MUC20: variants seen among roughly 807,000 people sequenced by gnomAD.
MUC20 encodes mucin 20, cell surface associated.
Under a neutral mutation model 23.8 loss-of-function variants are expected in MUC20, and 14 were observed. The observed-to-expected ratio is 0.59, with a 90% CI of 0.39 to 0.92. The LOEUF is 0.92. Ranked by LOEUF, MUC20 falls within the 40% of genes least tolerant of loss-of-function variation. The pLI, the probability that MUC20 is intolerant of heterozygous loss-of-function variation, is 0.00. For missense variants in MUC20, 375 were observed against 668.8 expected (o/e 0.56, Z 4.85); for synonymous variants, 166 against 279.3 (o/e 0.59, Z 4.04).
At chr3:195,731,954 G>A (rs1033065486) in intron 3 of MUC20, among the ~76,000 whole-genome samples, 14 of 150,890 alleles carry the variant, frequency 9.3e-5, no homozygotes, top group Non-Finnish European at 1.8e-4. Context: ...GTGAATCCTT[G>A]TGGGAGAGGG....
chr3:195,732,580 G>A (rs1444151517), intron 3 of MUC20, among the ~76,000 whole-genome samples: 2 of 152,068 alleles, frequency 1.3e-5, no homozygotes, highest in Non-Finnish European at 2.9e-5. Flanking sequence ...GGCTGGTCTC[G>A]AACTCCTGAC....
chr3:195,732,814 CA>C (rs1364392730), intron 3 of MUC20, among the ~76,000 whole-genome samples: 7 of 152,250 alleles, frequency 4.6e-5, no homozygotes, highest in Non-Finnish European at 1.0e-4. Context: ...GGGGACAGCC[CA>C]ACAGTTTGGG....
chr3:195,730,828 A>T, intron 3 of MUC20, among the ~76,000 whole-genome samples: 1 of 152,368 alleles, frequency 6.6e-6, no homozygotes, highest in East Asian at 1.9e-4. Flanking sequence ...CATGATTGGG[A>T]TGTATTTGTA....
chr3:195,721,377 G>A (rs1712080564), intron 1 of MUC20, among the ~76,000 whole-genome samples: 1 of 152,154 alleles, frequency 6.6e-6, no homozygotes, highest in African/African-American at 2.4e-5. Context: ...GCCATCGTAA[G>A]GGATGGCTGA....
At chr3:195,727,171 C>A (rs9842083) in intron 2 of MUC20, among the ~76,000 whole-genome samples, 68 of 152,092 alleles carry the variant, frequency 4.5e-4, no homozygotes, top group African/African-American at 1.4e-3. Flanking sequence ...AGGCAGAGGC[C>A]GGCGGATCAC....
chr3:195,728,048 C>A (rs963267908), intron 2 of MUC20, among the ~76,000 whole-genome samples: 6 of 152,282 alleles, frequency 3.9e-5, no homozygotes, highest in Non-Finnish European at 8.8e-5. Context: ...AGGTGGGTAA[C>A]ACGACCCCAT....
intron 3 of MUC20, chr3:195,730,091 A>G: frequency 7.4e-6 from 1 of 134,380 alleles, no homozygotes. Context: ...AAGTCAGGGC[A>G]GTTTATGCAA....
At chr3:195,729,999 T>A in intron 3 of MUC20, 1 of 496,454 alleles carries the variant, frequency 2.0e-6, no homozygotes, top group Non-Finnish European at 3.6e-6. Flanking sequence ...CTTGGAAGCT[T>A]GGCCTTCTGG....
intron 2 of MUC20, among the ~76,000 whole-genome samples, chr3:195,729,191 C>T (rs1399437672): frequency 1.3e-5 from 2 of 152,268 alleles, no homozygotes; most frequent in Non-Finnish European, 2.9e-5. Flanking sequence ...GCCTTTCTCC[C>T]CTGGCTGTGC....
rs1246168007 is a variant in MUC20, at chr3:195,729,408, C to G, written c.1970-240C>G. On this transcript the variant is annotated intron_variant, in intron 2 of 3. Transcript: ENST00000447234. ...CTCAGATCACCACAACCTCCGCCTC[C>G]CAGGTTCAGGCGATTCTCCTGCCTC... The G allele has an allele frequency of 1.2e-5, 6 of 504,504 alleles. No homozygotes were observed. The East Asian group carries it at 1.7e-4, about 15-fold the overall frequency. The allele number at this position is 504,504 out of a possible 1,614,324, so 31.3% of individuals were successfully genotyped here. A position where few individuals can be genotyped will look rare whatever the true frequency, so the allele number is the denominator to read the frequency against.
At chr3:195,721,237 TAA>T (rs1236695204) in intron 1 of MUC20, among the ~76,000 whole-genome samples, 154 bp downstream of exon 1, 4 of 150,334 alleles carry the variant, frequency 2.7e-5, no homozygotes, top group South Asian at 2.1e-4. Context: ...TTATTGTTGA[TAA>T]AGAGTGTGCA....
At chr3:195,732,767 C>A (rs1313446679) in intron 3 of MUC20, among the ~76,000 whole-genome samples, 1 of 152,246 alleles carries the variant, frequency 6.6e-6, no homozygotes, top group African/African-American at 2.4e-5. Flanking sequence ...GAGGCGCAGG[C>A]ACCAGGCCAC....
chr3:195,733,093 C>G (rs1177795805), intron 3 of MUC20, 57 bp from the exon 4 acceptor site: 1 of 1,540,194 alleles, frequency 6.5e-7, no homozygotes, highest in East Asian at 2.4e-5. Context: ...TCCTCTGCCT[C>G]TGGCGAGCTC....
chr3:195,731,182 C>A (rs905044862), intron 3 of MUC20, among the ~76,000 whole-genome samples: 1 of 152,244 alleles, frequency 6.6e-6, no homozygotes, highest in Non-Finnish European at 1.5e-5. Flanking sequence ...GGGACAGTGC[C>A]CTTGCTAATA....
chr3:195,731,237 A>G (rs557827205), intron 3 of MUC20, among the ~76,000 whole-genome samples: 669 of 152,180 alleles, frequency 4.4e-3, no homozygotes, highest in African/African-American at 0.015. Context: ...TGGGTGCCAC[A>G]CTGCTGAAAA....
rs562440674 is a variant in MUC20 at position 195,728,980 on chromosome 3, TAAC to T, written c.1970-663_1970-661del. Among the ~76,000 whole-genome samples the T allele has an allele frequency of 4.2e-4, 64 of 152,388 alleles. No homozygotes were observed. In the South Asian group the frequency reaches 0.011, roughly 27 times the overall value. Reference sequence around the variant, plus strand: ...TCAAGGTTGGGGCAAAGTTACAAATTAACAACATCTCAGCAAAGCTTGTTTAAA... The same window carrying T: ...TCAAGGTTGGGGCAAAGTTACAAATTAACATCTCAGCAAAGCTTGTTTAAA... On this transcript the variant is annotated intron_variant, in intron 2 of 3. Transcript: ENST00000447234.
chr3:195,729,391 A>G, intron 2 of MUC20: 1 of 453,610 alleles, frequency 2.2e-6, no homozygotes, highest in South Asian at 2.9e-5. Context: ...ATCTCAGATC[A>G]CCACAACCTC....
intron 2 of MUC20, among the ~76,000 whole-genome samples, chr3:195,728,448 C>G (rs1370822814): frequency 2.0e-5 from 3 of 152,190 alleles, no homozygotes; most frequent in South Asian, 4.1e-4. Flanking sequence ...ATGTTTCTCT[C>G]CACCCAAACA....
Position 195,726,445 on chromosome 3 carries a change from A to C in MUC20, c.1842A>C (p.Thr614=). 1.2e-6 allele frequency: 2 copies of C among 1,614,024 alleles called. No individual in the cohort carries two copies. Among genetic ancestry groups the C allele is most frequent in the Non-Finnish European group, 1.7e-6 (2 of 1,179,892 alleles). ...RDPLPSVPPT[T]TNSSRGTNST... ...CTCTTCCTTCTGTCCCTCCGACTAC[A>C]ACCAACAGCAGCCGAGGGACGAACA... Residue 614 remains threonine (T), a synonymous_variant, in exon 2 of 4, where the codon ACA becomes ACC. Coordinates refer to ENST00000447234, the MANE Select transcript of MUC20 (RefSeq NM_001282506.2).
Sources: gnomAD v4.1 joint callset for allele counts (sites outside exome capture counted in the v4.1 genomes callset) on GRCh38, gnomAD v4.1.1 for gene constraint, MANE v1.5 for transcripts, NCBI Gene and HGNC (gene_info 2026-07-23, HGNC 2026-07-21) for gene names.